PRKAR1B: variants seen among roughly 807,000 people sequenced by gnomAD.
PRKAR1B encodes cAMP-dependent protein kinase type I-beta regulatory subunit.
A neutral mutation model predicts 46.5 loss-of-function variants in PRKAR1B; 22 were observed. The observed-to-expected ratio is 0.47, with a 90% CI of 0.34 to 0.68. The LOEUF (loss-of-function observed/expected upper bound fraction) is 0.68. Ranked by LOEUF, PRKAR1B falls within the 30% of genes least tolerant of loss-of-function variation. PRKAR1B has a pLI of 0.01. For missense variants in PRKAR1B, 445 were observed against 535.6 expected (o/e 0.83, Z 1.67); for synonymous variants, 259 against 217.7 (o/e 1.19, Z -1.67).
At chr7:612,829 G>A (rs1303331500) in intron 4 of PRKAR1B, among the ~76,000 whole-genome samples, 1 of 151,556 alleles carries the variant, frequency 6.6e-6, no homozygotes, top group African/African-American at 2.4e-5. Context: ...CAGCAACAGA[G>A]GCTTTATTAA....
In PRKAR1B at chr7:557,129, G is replaced by A. The variant is rs143788708; in HGVS notation, c.892-5659C>T. 1.8e-3 allele frequency among the ~76,000 whole-genome samples: 269 copies of A among 152,324 alleles called. 1 individual carries two copies. Among genetic ancestry groups the A allele is most frequent in the East Asian group, 0.015 (76 of 5,170 alleles). ...AGGAGGGGAGCGCGGTCTCCTCAGCGGAGTCTGGTGGCCCCGGGACTCCCT... is the reference window on the plus strand; with the variant it reads ...AGGAGGGGAGCGCGGTCTCCTCAGCAGAGTCTGGTGGCCCCGGGACTCCCT... On this transcript the variant is annotated intron_variant, in intron 9 of 10. Transcript: ENST00000537384.
intron 4 of PRKAR1B, among the ~76,000 whole-genome samples, chr7:629,401 G>A (rs71518329): frequency 0.75 from 79,995 of 107,084 alleles, 31,081 homozygotes; most frequent in South Asian, 0.89. Flanking sequence ...CTCCGAGGGC[G>A]CCACCACCCC....
At chr7:705,327 AG>A (rs1308997604) in intron 2 of PRKAR1B, among the ~76,000 whole-genome samples, 5 of 147,062 alleles carry the variant, frequency 3.4e-5, no homozygotes, top group African/African-American at 4.9e-5. Context: ...AAAAGAAAAA[AG>A]AAAAAAAAAA....
chr7:726,482 C>T, intron 1 of PRKAR1B: 1 of 369,892 alleles, frequency 2.7e-6, no homozygotes, highest in African/African-American at 2.1e-5. Flanking sequence ...TGCACCCTCC[C>T]GAGACCTTCC....
Position 549,869 on chromosome 7 carries a change from C to CA in PRKAR1B, c.*560_*561insT, listed in dbSNP as rs1361886480. On this transcript the variant is annotated 3_prime_UTR_variant, in exon 11 of 11. Transcript: ENST00000537384. ...CCACTCCGGCATCCGCAGCAGGGCC[C>CA]CCGGGGGAGGTGGGGGTGCGGCGGG... 1 of 155,896 alleles carries CA rather than the reference C, an allele frequency of 6.4e-6. No individual in the cohort carries two copies. The highest frequency in any genetic ancestry group is 1.4e-5 in the Non-Finnish European group (1 of 70,152). 9.7% of individuals were successfully genotyped at this position (155,896 alleles called of 1,614,324 possible). A position where few individuals can be genotyped will look rare whatever the true frequency, so the allele number is the denominator to read the frequency against.
At position 690,890 on chromosome 7, in the gene PRKAR1B, G is replaced by A. The variant is rs948132436; in HGVS notation, c.178-10164C>T. On this transcript the variant is annotated intron_variant, in intron 2 of 10. Coordinates refer to ENST00000537384, the MANE Select transcript of PRKAR1B (RefSeq NM_001164760.2). The stretch of plus-strand genomic sequence containing the variant: ...CGGTCTCCACTGCATCCTCCTCAGC[G>A]GGCCTGGCGGCTGGTGTCTCCACTG... Among the ~76,000 whole-genome samples, 7 of 152,216 alleles carry A rather than the reference G, an allele frequency of 4.6e-5. No individual in the cohort carries two copies. In the East Asian group the frequency reaches 7.7e-4, roughly 17 times the overall value.
intron 4 of PRKAR1B, among the ~76,000 whole-genome samples, chr7:615,821 C>G (rs139343019): frequency 0.061 from 4,814 of 78,406 alleles, 212 homozygotes; most frequent in African/African-American, 0.15. Context: ...GAGCAAGACT[C>G]CATCAAAAAA....
intron 9 of PRKAR1B, among the ~76,000 whole-genome samples, chr7:568,940 G>A (rs547285549): frequency 3.3e-5 from 5 of 152,118 alleles, no homozygotes; most frequent in Admixed American, 3.3e-4. Context: ...CGGGGCCCGC[G>A]GGGGGTGGTT....
In PRKAR1B at chr7:560,389, T is replaced by TAATAATAATAATAATAATAATAAA. The variant is rs917607162; in HGVS notation, c.892-8920_892-8919insTTTATTATTATTATTATTATTATT. On this transcript the variant is annotated intron_variant, in intron 9 of 10. Transcript: ENST00000537384. This position sits in a 1 kb window ranked among gnomAD's most constrained non-coding sequence, Gnocchi z 4.2. The stretch of plus-strand genomic sequence containing the variant: ...ATAATAATAATAATAATAATAATAA[T>TAATAATAATAATAATAATAATAAA]AAATATATTTTAAAAGAAACTTTGT... Among the ~76,000 whole-genome samples, 4 of 146,192 alleles carry TAATAATAATAATAATAATAATAAA rather than the reference T, an allele frequency of 2.7e-5. No homozygotes were observed. Among genetic ancestry groups the TAATAATAATAATAATAATAATAAA allele is most frequent in the African/African-American group, 1.0e-4 (4 of 38,900 alleles).
chr7:654,283 CATCACCATCATCACCATCTTT>C (rs1326002650), intron 4 of PRKAR1B, among the ~76,000 whole-genome samples: 3 of 151,248 alleles, frequency 2.0e-5, no homozygotes, highest in Non-Finnish European at 4.4e-5. Flanking sequence ...TCTTCACCAC[CATCACCATCATCACCATCTTT>C]ATCACCATCA....
chr7:610,029 C>T (rs576318738), intron 4 of PRKAR1B, among the ~76,000 whole-genome samples: 13 of 152,334 alleles, frequency 8.5e-5, no homozygotes, highest in African/African-American at 2.9e-4. Flanking sequence ...AGGCATGAGC[C>T]GCTGCACCCG....
intron 9 of PRKAR1B, among the ~76,000 whole-genome samples, chr7:568,818 A>G (rs1056452417): frequency 1.3e-5 from 2 of 152,080 alleles, no homozygotes; most frequent in Non-Finnish European, 2.9e-5. Flanking sequence ...GTAATCCGGG[A>G]CCTTGGAACC....
chr7:661,572 C>T (rs1157289873), intron 4 of PRKAR1B, among the ~76,000 whole-genome samples: 6 of 43,422 alleles, frequency 1.4e-4, no homozygotes, highest in Admixed American at 2.0e-4. Flanking sequence ...CACAGGTCCC[C>T]ACCCCAACGG....
At chr7:562,242 G>T (rs1054055107) in intron 9 of PRKAR1B, among the ~76,000 whole-genome samples, 1 of 148,074 alleles carries the variant, frequency 6.8e-6, no homozygotes, top group African/African-American at 2.5e-5. Flanking sequence ...CCTGCTGCCT[G>T]CCAGGCGGGG....
rs200749428 is a variant in PRKAR1B, at chr7:680,653, G to A, written c.251C>T (p.Pro84Leu). The change falls in exon 3 of 11, where the codon CCC becomes CTC. Residue 84 changes from proline to leucine, a missense_variant. Around this residue, in one of 5 missense-constraint regions of PRKAR1B, gnomAD observed 155 missense variants for 127.5 expected, o/e 1.22. Transcript: ENST00000537384. ...CTTCACCACAGGGTTCGGGGGGGTG[G>A]GCGACACCTCCTCATCATGGGAGTC... is the stretch of plus-strand genomic sequence containing the variant. ...QSDSHDEEVS[P>L]TPPNPVVKAR... 1.7e-4 allele frequency: 280 copies of A among 1,613,244 alleles called. No individual in the cohort carries two copies. Among genetic ancestry groups the A allele is most frequent in the Admixed American group, 7.5e-4 (45 of 59,860 alleles).
intron 8 of PRKAR1B, among the ~76,000 whole-genome samples, chr7:582,477 G>A (rs1019947342): frequency 5.9e-5 from 9 of 152,264 alleles, no homozygotes; most frequent in African/African-American, 9.6e-5. Flanking sequence ...AAAGGGAATC[G>A]TGCCTTGTGG....
chr7:692,043 G>A (rs984350823), intron 2 of PRKAR1B, among the ~76,000 whole-genome samples: 1 of 152,174 alleles, frequency 6.6e-6, no homozygotes, highest in Non-Finnish European at 1.5e-5. Context: ...TATGGGACCC[G>A]CTCTTAGGGA....
chr7:656,521 A>G (rs771747818), intron 4 of PRKAR1B, among the ~76,000 whole-genome samples: 1 of 152,056 alleles, frequency 6.6e-6, no homozygotes, highest in Non-Finnish European at 1.5e-5. Flanking sequence ...GACTAAATGT[A>G]TGGATAAGGG....
chr7:580,850 A>G (rs1038707110), intron 8 of PRKAR1B, among the ~76,000 whole-genome samples: 6 of 151,964 alleles, frequency 3.9e-5, no homozygotes, highest in African/African-American at 9.7e-5. Context: ...TTTTACATCT[A>G]GGTTAGGAGG....
Sources: allele counts gnomAD v4.1 joint callset (sites outside exome capture counted in the v4.1 genomes callset), GRCh38; gene constraint gnomAD v4.1.1; regional missense constraint gnomAD v4.1.1; non-coding constraint Gnocchi (gnomAD v3.1); transcripts MANE v1.5; gene names NCBI Gene and HGNC (gene_info 2026-07-23, HGNC 2026-07-21).